The following PDE2A variants were observed in gnomAD, a reference collection of about 807,000 sequenced individuals.
PDE2A encodes the protein phosphodiesterase 2A.
Under a neutral mutation model 133.6 loss-of-function variants are expected in PDE2A, and 53 were observed. The observed-to-expected ratio is 0.40, with a 90% CI of 0.32 to 0.50. The LOEUF is 0.50. Ranked by LOEUF, PDE2A falls within the 20% of genes least tolerant of loss-of-function variation. The pLI, the probability that PDE2A is intolerant of heterozygous loss-of-function variation, is 0.73. For synonymous variants in PDE2A, 491 were observed against 490.2 expected, an observed-to-expected ratio of 1.00 and a Z score of -0.02; for missense variants, 796 against 1,232.4, an observed-to-expected ratio of 0.65 and a Z score of 5.30.
At chr11:72,638,410 G>C (rs1222603367) in intron 2 of PDE2A, among the ~76,000 whole-genome samples, 4 of 152,212 alleles carry the variant, frequency 2.6e-5, no homozygotes, top group Non-Finnish European at 5.9e-5. Context: ...ACACACGGTG[G>C]GTAGAGGAGA....
rs1025992711 is a variant in PDE2A at position 72,586,663 on chromosome 11, C to T, written c.1071-482G>A. Among the ~76,000 whole-genome samples the T allele has an allele frequency of 3.9e-5, 6 of 152,312 alleles. No homozygotes were observed. The East Asian group carries it at 1.2e-3, about 29-fold the overall frequency. ...AGGACTGCTTGCCCTGCTCATGGAG[C>T]TAGCTCTGGTGAGACAAGATAAGCC... is the stretch of plus-strand genomic sequence containing the variant. On this transcript the variant is annotated intron_variant, in intron 13 of 30. Transcript: ENST00000334456.
rs772054959 is a variant in PDE2A, at chr11:72,583,408, A to T, written c.1728+30T>A. 2.0e-6 allele frequency: 3 copies of T among 1,499,936 alleles called. No homozygotes were observed. In the South Asian group the frequency reaches 3.4e-5, roughly 17 times the overall value. The allele number at this position is 1,499,936 out of a possible 1,614,324, so 92.9% of individuals were successfully genotyped here. On this transcript the variant is annotated intron_variant, in intron 20 of 30. Coordinates refer to ENST00000334456, the MANE Select transcript of PDE2A (RefSeq NM_002599.5). The stretch of plus-strand genomic sequence containing the variant: ...GCCCTGGGTCCCCGGGGAATCTGGG[A>T]GGAGGACCAGAGGTCTCTGCAAGCC...
At chr11:72,642,184 G>C in intron 2 of PDE2A, 70 bp downstream of exon 2, 1 of 1,370,860 alleles carries the variant, frequency 7.3e-7, no homozygotes. Flanking sequence ...GGGTTCGGGG[G>C]CGGGCAGACC....
intron 2 of PDE2A, among the ~76,000 whole-genome samples, chr11:72,632,409 G>A (rs1357686125): frequency 6.6e-6 from 1 of 152,126 alleles, no homozygotes; most frequent in Non-Finnish European, 1.5e-5. Context: ...GTGGTGTGAT[G>A]GTCTAGGTGT....
At position 72,589,168 on chromosome 11, in the gene PDE2A, G is replaced by T; in HGVS notation, c.939+7C>A. 6.2e-7 allele frequency: 1 copy of T among 1,611,928 alleles called. No homozygotes were observed. The highest frequency in any genetic ancestry group is 1.1e-5 in the South Asian group (1 of 90,788). On this transcript the variant is annotated splice_region_variant and intron_variant, in intron 12 of 30. Coordinates refer to ENST00000334456, the MANE Select transcript of PDE2A (RefSeq NM_002599.5). ...TTCCCCTCTGGGTCAGCCAGGCCAT[G>T]ACTTACGGAGGTGAGGTCCTTCAGC...
chr11:72,655,373 A>T (rs1369849459), intron 1 of PDE2A, among the ~76,000 whole-genome samples: 2 of 8,058 alleles, frequency 2.5e-4, no homozygotes, highest in Admixed American at 5.1e-4. Context: ...ATGAGCAGTG[A>T]CCCCTCATGC....
intron 1 of PDE2A, among the ~76,000 whole-genome samples, chr11:72,673,271 C>T (rs1341106593): frequency 2.6e-5 from 4 of 152,040 alleles, no homozygotes; most frequent in Non-Finnish European, 5.9e-5. Flanking sequence ...CAGACACATG[C>T]GAATAAACTC....
chr11:72,631,202 G>A, intron 2 of PDE2A: 1 of 1,351,070 alleles, frequency 7.4e-7, no homozygotes, highest in Non-Finnish European at 1.0e-6. Flanking sequence ...TCCCCAGACT[G>A]TCCTCCCATT....
intron 2 of PDE2A, among the ~76,000 whole-genome samples, chr11:72,620,397 T>A (rs116797918): frequency 0.038 from 5,706 of 152,112 alleles, 346 homozygotes; most frequent in African/African-American, 0.13. Context: ...AACTGGGGCC[T>A]CTGAGACTCC....
At chr11:72,651,282 A>G (rs1854735092) in intron 1 of PDE2A, among the ~76,000 whole-genome samples, 1 of 152,150 alleles carries the variant, frequency 6.6e-6, no homozygotes, top group South Asian at 2.1e-4. Context: ...CCTGGTTTCT[A>G]TGCCCCTGAG....
chr11:72,621,883 T>G (rs965002072), intron 2 of PDE2A: 1 of 152,242 alleles, frequency 6.6e-6, no homozygotes, highest in Non-Finnish European at 1.5e-5. Flanking sequence ...GGGATTTGCT[T>G]TAACATATTT....
chr11:72,660,132 T>C (rs116849116), intron 1 of PDE2A, among the ~76,000 whole-genome samples: 87 of 152,340 alleles, frequency 5.7e-4, no homozygotes, highest in Non-Finnish European at 1.0e-3. Context: ...AATATTCTTT[T>C]CTTAATTGTC....
rs1409746782 is a variant in PDE2A, at chr11:72,579,426, C to A, written c.2257-43G>T. The A allele has an allele frequency of 8.2e-6, 13 of 1,579,574 alleles. 1 individual carries two copies. The South Asian group carries it at 1.1e-4, about 14-fold the overall frequency. On this transcript the variant is annotated intron_variant, in intron 26 of 30. Coordinates refer to ENST00000334456, the MANE Select transcript of PDE2A (RefSeq NM_002599.5). The stretch of plus-strand genomic sequence containing the variant: ...GTGTCATGCCCTCCTACTGGACACC[C>A]CCACCCATTTGCCCATCCCAGTGAG...
chr11:72,588,953 G>T, intron 12 of PDE2A, 39 bp from the exon 13 acceptor site: 4 of 1,576,754 alleles, frequency 2.5e-6, no homozygotes, highest in Non-Finnish European at 3.5e-6. Context: ...GAAGCAGGGC[G>T]CAGTATGCTT....
chr11:72,586,454 C>T (rs1285318081), intron 13 of PDE2A, among the ~76,000 whole-genome samples: 1 of 151,976 alleles, frequency 6.6e-6, no homozygotes, highest in African/African-American at 2.4e-5. Context: ...TGGGTCTCCT[C>T]CCTCAGACTA....
intron 2 of PDE2A, among the ~76,000 whole-genome samples, chr11:72,641,099 A>G (rs1858932932): frequency 6.6e-6 from 1 of 152,150 alleles, no homozygotes; most frequent in Admixed American, 6.5e-5. Flanking sequence ...CAGCCTGGAC[A>G]CATCCCACCG....
chr11:72,640,326 C>T (rs1565188026), intron 2 of PDE2A, among the ~76,000 whole-genome samples: 1 of 152,040 alleles, frequency 6.6e-6, no homozygotes, highest in African/African-American at 2.4e-5. Flanking sequence ...TTTGTGGGCA[C>T]ACACAGCCCC....
chr11:72,635,744 G>A (rs1015762228), intron 2 of PDE2A, among the ~76,000 whole-genome samples: 5 of 152,194 alleles, frequency 3.3e-5, no homozygotes, highest in Admixed American at 6.5e-5. Context: ...AAGAATACCC[G>A]AGAGTGGGGG....
chr11:72,635,954 C>T lies in PDE2A; in HGVS notation c.144+6300G>A, dbSNP rs189521119. 7.0e-4 allele frequency: 831 copies of T among 1,193,368 alleles called. 2 individuals are homozygous for T. Among genetic ancestry groups the T allele is most frequent in the Middle Eastern group, 2.3e-3 (10 of 4,262 alleles). 73.9% of individuals were successfully genotyped at this position (1,193,368 alleles called of 1,614,324 possible). A position where few individuals can be genotyped will look rare whatever the true frequency, so the allele number is the denominator to read the frequency against. ...ACCCGACCTTCCCGCTCCCCCTCCA[C>T]ACCACGAGATCTCAGCCCCTCTTAC... On this transcript the variant is annotated intron_variant, in intron 2 of 30. Transcript: ENST00000334456.
Sources: allele counts gnomAD v4.1 joint callset (sites outside exome capture counted in the v4.1 genomes callset), GRCh38; gene constraint gnomAD v4.1.1; transcripts MANE v1.5; gene names NCBI Gene and HGNC (gene_info 2026-07-23, HGNC 2026-07-21).